The following LINGO2 variants were observed in gnomAD, a reference collection of about 807,000 sequenced individuals.
The protein encoded by LINGO2 is leucine-rich repeat and immunoglobulin-like domain-containing nogo receptor-interacting protein 2.
A neutral mutation model predicts 30.6 loss-of-function variants in LINGO2; 14 were observed. That is an observed-to-expected ratio of 0.46 (90% CI 0.30 to 0.72). The LOEUF is 0.72. LINGO2 is among the 30% of genes least tolerant of loss of function. The pLI, the probability that LINGO2 is intolerant of heterozygous loss-of-function variation, is 0.07. For synonymous variants in LINGO2, 317 were observed against 288.5 expected (o/e 1.10, Z -1.00); for missense variants, 729 against 751.7 (o/e 0.97, Z 0.35).
intron 4 of LINGO2, among the ~76,000 whole-genome samples, chr9:28,057,964 T>C (rs1318861972): frequency 6.6e-6 from 1 of 152,110 alleles, no homozygotes; most frequent in African/African-American, 2.4e-5. Context: ...ATAGCTTTTC[T>C]TTTATATACT....
rs536579398 is a variant in LINGO2, at chr9:28,414,322, G to A, written c.-278-41454C>T. ...GAAGCAGGTAGAAATCCATACACAA[G>A]GCTATTGATGAGCTGAGAAAGTACA... On this transcript the variant is annotated intron_variant, in intron 2 of 5. Coordinates refer to ENST00000379992, the Ensembl canonical transcript of LINGO2. Among the ~76,000 whole-genome samples, 304 of 152,006 alleles carry A rather than the reference G, an allele frequency of 2.0e-3. 1 individual carries two copies. The highest frequency in any genetic ancestry group is 5.7e-3 in the African/African-American group (236 of 41,470).
At chr9:27,986,228 T>C (rs1350618644) in intron 5 of LINGO2, among the ~76,000 whole-genome samples, 2 of 151,192 alleles carry the variant, frequency 1.3e-5, no homozygotes, top group Non-Finnish European at 3.0e-5. Flanking sequence ...TGTTACATTT[T>C]CCAGTGACCA....
intron 5 of LINGO2, among the ~76,000 whole-genome samples, chr9:27,954,405 C>G (rs10757701): frequency 1.3e-5 from 2 of 152,040 alleles, no homozygotes; most frequent in East Asian, 1.9e-4. Context: ...CCTCCATGCT[C>G]TCAATGTTTT....
chr9:28,481,438 T>A (rs991459131), intron 1 of LINGO2, among the ~76,000 whole-genome samples: 2 of 152,054 alleles, frequency 1.3e-5, no homozygotes, highest in African/African-American at 4.8e-5. Context: ...TTAAATACTT[T>A]ATTTTCCTTT....
the LINGO2 span, among the ~76,000 whole-genome samples, chr9:28,857,522 C>G: frequency 0.016 from 2,372 of 152,108 alleles, 48 homozygotes; most frequent in African/African-American, 0.053. Context: ...CAGTCTGATT[C>G]GAGAGCCCAT....
the LINGO2 span, among the ~76,000 whole-genome samples, chr9:28,988,615 A>C: frequency 6.6e-6 from 1 of 152,026 alleles, no homozygotes; most frequent in African/African-American, 2.4e-5. Flanking sequence ...ACCCCAGGTG[A>C]TCTAGCCATA....
intron 4 of LINGO2, among the ~76,000 whole-genome samples, chr9:28,285,103 TG>T (rs1461090496): frequency 2.6e-5 from 4 of 152,340 alleles, no homozygotes; most frequent in African/African-American, 9.6e-5. Context: ...TGCTAAGCAC[TG>T]GCCTTGGATT....
At chr9:28,093,416 G>A (rs1225624873) in intron 4 of LINGO2, among the ~76,000 whole-genome samples, 4 of 152,046 alleles carry the variant, frequency 2.6e-5, no homozygotes, top group East Asian at 1.9e-4. Flanking sequence ...AGTGTAACTC[G>A]CTTTCAGCAT....
chr9:28,709,296 G>A, the LINGO2 span, among the ~76,000 whole-genome samples: 1 of 151,876 alleles, frequency 6.6e-6, no homozygotes, highest in Non-Finnish European at 1.5e-5. Flanking sequence ...ATTGCTAATT[G>A]GTTTTAGTTT....
intron 1 of LINGO2, among the ~76,000 whole-genome samples, chr9:28,560,952 G>A (rs1299892560): frequency 1.3e-5 from 2 of 152,034 alleles, no homozygotes; most frequent in Non-Finnish European, 2.9e-5. Flanking sequence ...CGGGATTACA[G>A]GTATAAGCCA....
At chr9:28,900,706 A>G in the LINGO2 span, among the ~76,000 whole-genome samples, 2 of 152,218 alleles carry the variant, frequency 1.3e-5, no homozygotes, top group African/African-American at 4.8e-5. Context: ...CCAGTCTGCA[A>G]AGACTGAAAT....
chr9:28,079,241 G>T (rs892012844), intron 4 of LINGO2, among the ~76,000 whole-genome samples: 13 of 152,090 alleles, frequency 8.5e-5, no homozygotes, highest in Admixed American at 5.9e-4. Flanking sequence ...ATATAAACAT[G>T]ATTTACTGAG....
intron 1 of LINGO2, among the ~76,000 whole-genome samples, chr9:28,630,439 C>A (rs531478460): frequency 6.6e-6 from 1 of 152,030 alleles, no homozygotes; most frequent in Non-Finnish European, 1.5e-5. Flanking sequence ...AGAACAATTT[C>A]ACTTTTTGTC....
At chr9:28,992,252 A>T in the LINGO2 span, among the ~76,000 whole-genome samples, 1 of 151,998 alleles carries the variant, frequency 6.6e-6, no homozygotes, top group Admixed American at 6.6e-5. Context: ...ACCAACAAAG[A>T]TCAAAAGAGA....
the LINGO2 span, among the ~76,000 whole-genome samples, chr9:29,058,332 T>C: frequency 6.6e-6 from 1 of 151,892 alleles, no homozygotes; most frequent in Non-Finnish European, 1.5e-5. Context: ...CATTTAGCAG[T>C]AAATTAAGTG....
intron 2 of LINGO2, among the ~76,000 whole-genome samples, chr9:28,393,417 C>G (rs1323452638): frequency 6.6e-6 from 1 of 152,220 alleles, no homozygotes; most frequent in African/African-American, 2.4e-5. Flanking sequence ...AGTTATTAAG[C>G]TGGTAAACCA....
the LINGO2 span, among the ~76,000 whole-genome samples, chr9:28,946,311 T>A: frequency 2.9e-4 from 44 of 152,230 alleles, no homozygotes; most frequent in African/African-American, 9.9e-4. Flanking sequence ...AATTCTATTT[T>A]AAAAAAACTT....
chr9:29,068,349 G>C, the LINGO2 span, among the ~76,000 whole-genome samples: 1 of 151,672 alleles, frequency 6.6e-6, no homozygotes, highest in Non-Finnish European at 1.5e-5. Context: ...TAAAAAATAA[G>C]TAACAATGTA....
chr9:28,079,548 A>T (rs990449209), intron 4 of LINGO2, among the ~76,000 whole-genome samples: 1 of 152,240 alleles, frequency 6.6e-6, no homozygotes, highest in Admixed American at 6.5e-5. Context: ...TTTAGAGCAT[A>T]GTAAATAAGC....
Sources: allele counts gnomAD v4.1 joint callset (sites outside exome capture counted in the v4.1 genomes callset), GRCh38; gene constraint gnomAD v4.1.1; transcripts MANE v1.5; gene names NCBI Gene and HGNC (gene_info 2026-07-23, HGNC 2026-07-21).